The following WSB1 variants were observed in gnomAD, a reference collection of about 807,000 sequenced individuals.
WSB1 encodes WD repeat and SOCS box containing 1, also known as WD repeat and SOCS box-containing protein 1.
WSB1 carries 23 observed loss-of-function variants against 50.2 expected under a neutral mutation model. The ratio of observed to expected loss-of-function variants is 0.46; its 90% CI spans 0.33 to 0.65. The LOEUF (loss-of-function observed/expected upper bound fraction) is 0.65. Among genes scored for constraint, WSB1 ranks in the 30% least tolerant of loss-of-function variants. WSB1 has a pLI of 0.02. For missense variants in WSB1, 492 were observed against 522.3 expected, an observed-to-expected ratio of 0.94 and a Z score of 0.56; for synonymous variants, 179 against 172.0, an observed-to-expected ratio of 1.04 and a Z score of -0.32.
chr17:27,299,941 CAT>C (rs1364287831), intron 1 of WSB1, among the ~76,000 whole-genome samples: 3 of 148,922 alleles, frequency 2.0e-5, no homozygotes, highest in Non-Finnish European at 4.5e-5. Flanking sequence ...TTATGAATAT[CAT>C]AGAAAAGTAG....
intron 2 of WSB1, chr17:27,303,114 G>A: frequency 3.0e-6 from 1 of 329,720 alleles, no homozygotes. Context: ...AGGAAAATTT[G>A]GGAGGCAAAT....
intron 5 of WSB1, chr17:27,307,971 T>G: frequency 8.0e-7 from 1 of 1,249,172 alleles, no homozygotes; most frequent in Non-Finnish European, 1.0e-6. Flanking sequence ...TTTTCTTTTT[T>G]AAAGTAATTT....
chr17:27,303,425 A>T lies in WSB1; in HGVS notation c.268A>T (p.Asn90Tyr). ...NSSSLRLPRQ[N>Y]SDGGQKNKPR... ...AAGCAGTTTAAGATTGCCAAGACAA[A>T]ATAGTGATGGTGGTCAGAAAAATAA... Residue 90 changes from asparagine (N) to tyrosine (Y), a missense_variant, in exon 3 of 9, where the codon AAT becomes TAT. Asn to Tyr is a moderately radical substitution (Grantham distance 143). Transcript: ENST00000262394. 6.2e-7 allele frequency: 1 copy of T among 1,614,108 alleles called. No homozygotes were observed. The highest frequency in any genetic ancestry group is 8.5e-7 in the Non-Finnish European group (1 of 1,180,012).
chr17:27,309,842 A>G (rs1442236385), intron 6 of WSB1, among the ~76,000 whole-genome samples: 1 of 152,162 alleles, frequency 6.6e-6, no homozygotes, highest in Non-Finnish European at 1.5e-5. Flanking sequence ...TAACCTCCCA[A>G]AGTGCTGGGA....
intron 1 of WSB1, among the ~76,000 whole-genome samples, chr17:27,300,834 C>T (rs1344152979): frequency 6.6e-6 from 1 of 151,748 alleles, no homozygotes; most frequent in African/African-American, 2.4e-5. Flanking sequence ...GGATTACAGA[C>T]ACACTCCAGC....
At chr17:27,309,513 A>G (rs1466987062) in intron 6 of WSB1, among the ~76,000 whole-genome samples, 2 of 152,202 alleles carry the variant, frequency 1.3e-5, no homozygotes. Context: ...AGTACTAATT[A>G]TGTTTAGAGT....
chr17:27,310,278 C>A, intron 7 of WSB1, 104 bp downstream of exon 7: 1 of 974,682 alleles, frequency 1.0e-6, no homozygotes, highest in Non-Finnish European at 1.6e-6. Context: ...TTCCTCAACA[C>A]AAGCCCCTGG....
At chr17:27,299,996 G>T (rs2017160405) in intron 1 of WSB1, among the ~76,000 whole-genome samples, 1 of 152,130 alleles carries the variant, frequency 6.6e-6, no homozygotes, top group African/African-American at 2.4e-5. Flanking sequence ...ACACCTATTT[G>T]TTAAGGTGTC....
Position 27,312,835 on chromosome 17 carries a change from T to A in WSB1, c.*466T>A. 6.6e-6 allele frequency: 1 copy of A among 151,252 alleles called. No individual in the cohort carries two copies. The highest frequency in any genetic ancestry group is 1.5e-5 in the Non-Finnish European group (1 of 68,106). 9.4% of individuals were successfully genotyped at this position (151,252 alleles called of 1,614,324 possible). ...TCACCTGAGGTCAGCAGTTTGAGACTAGCCTGGCAAACATGATGAAACCCT... is the reference window on the plus strand; with the variant it reads ...TCACCTGAGGTCAGCAGTTTGAGACAAGCCTGGCAAACATGATGAAACCCT... On this transcript the variant is annotated 3_prime_UTR_variant, in exon 9 of 9. Coordinates refer to ENST00000262394, the MANE Select transcript of WSB1 (RefSeq NM_015626.10).
At position 27,303,441 on chromosome 17, in the gene WSB1, A is replaced by G. The variant is rs766183559; in HGVS notation, c.284A>G (p.Gln95Arg). The G allele has an allele frequency of 1.2e-5, 20 of 1,614,156 alleles. No homozygotes were observed. Among genetic ancestry groups the G allele is most frequent in the Non-Finnish European group, 1.6e-5 (19 of 1,180,028 alleles). The change falls in exon 3 of 9, where the codon CAG (glutamine) becomes CGG (arginine). Residue 95 changes from glutamine to arginine, a missense_variant. Gln to Arg is a conservative substitution (Grantham distance 43). Coordinates refer to ENST00000262394, the MANE Select transcript of WSB1 (RefSeq NM_015626.10). ...CCAAGACAAAATAGTGATGGTGGTC[A>G]GAAAAATAAGCCTCGTGAACATATT... is the stretch of plus-strand genomic sequence containing the variant. ...RLPRQNSDGG[Q>R]KNKPREHIID...
chr17:27,304,756 T>G, intron 3 of WSB1, 24 bp from the exon 4 acceptor site: 1 of 1,605,908 alleles, frequency 6.2e-7, no homozygotes. Context: ...ACTGTCTTTT[T>G]TTTCCCTTTT....
chr17:27,298,017 G>A (rs1194913700), intron 1 of WSB1, among the ~76,000 whole-genome samples: 3 of 151,472 alleles, frequency 2.0e-5, no homozygotes, highest in Non-Finnish European at 4.4e-5. Context: ...TAAGCTACTC[G>A]GGAGGCTGAG....
intron 1 of WSB1, among the ~76,000 whole-genome samples, chr17:27,295,396 A>G (rs2016913288): frequency 6.6e-6 from 1 of 152,324 alleles, no homozygotes; most frequent in Non-Finnish European, 1.5e-5. Flanking sequence ...GAAGAGGCTG[A>G]AGTAGCCAAA....
In WSB1 at chr17:27,312,781, C is replaced by A. The variant is rs114916240; in HGVS notation, c.*412C>A. The A allele has an allele frequency of 6.5e-6, 1 of 153,808 alleles. No individual in the cohort carries two copies. The highest frequency in any genetic ancestry group is 1.4e-5 in the Non-Finnish European group (1 of 69,674). 9.5% of individuals were successfully genotyped at this position (153,808 alleles called of 1,614,324 possible). A position where few individuals can be genotyped will look rare whatever the true frequency, so the allele number is the denominator to read the frequency against. ...GAGTTAGATGGTAAATACTGACTTA[C>A]GAAAGTTGAATTGGGTGAGGCGGGC... On this transcript the variant is annotated 3_prime_UTR_variant, in exon 9 of 9. Transcript: ENST00000262394.
Position 27,310,129 on chromosome 17 carries a change from C to T in WSB1, c.953C>T (p.Ser318Phe), listed in dbSNP as rs1449782807. ...GANDRWVRSV[S>F]FSHDGLHVAS... ...AATGACCGGTGGGTACGATCTGTAT[C>T]TTTTAGCCATGATGGACTGCATGTT... Residue 318 changes from serine (S) to phenylalanine (F), a missense_variant, in exon 7 of 9, where the codon TCT (serine) becomes TTT (phenylalanine). Physicochemically the swap from Ser to Phe is radical, Grantham distance 155. Transcript: ENST00000262394. The T allele has an allele frequency of 6.2e-6, 10 of 1,614,080 alleles. No homozygotes were observed. Among genetic ancestry groups the T allele is most frequent in the Non-Finnish European group, 8.5e-6 (10 of 1,179,968 alleles).
intron 3 of WSB1, among the ~76,000 whole-genome samples, 182 bp from the exon 4 acceptor site, chr17:27,304,598 A>G (rs192195933): frequency 1.0e-4 from 15 of 149,618 alleles, no homozygotes; most frequent in Non-Finnish European, 1.6e-4. Context: ...TGTAGTTCCA[A>G]CTATTTCGGA....
chr17:27,310,991 G>A lies in WSB1; in HGVS notation c.999-518G>A, dbSNP rs144414128. On this transcript the variant is annotated intron_variant, in intron 7 of 8. Coordinates refer to ENST00000262394, the MANE Select transcript of WSB1 (RefSeq NM_015626.10). ...CTTCCGAGTATCTCACACCACAGGG[G>A]TATACCACCACACCTGGCTAGTTTT... is the stretch of plus-strand genomic sequence containing the variant. Among the ~76,000 whole-genome samples the A allele has an allele frequency of 4.7e-3, 711 of 152,130 alleles. 10 individuals carry two copies. Among genetic ancestry groups the A allele is most frequent in the Middle Eastern group, 0.034 (10 of 294 alleles).
intron 3 of WSB1, 96 bp from the exon 4 acceptor site, chr17:27,304,684 C>A: frequency 7.7e-7 from 1 of 1,294,822 alleles, no homozygotes; most frequent in Non-Finnish European, 1.1e-6. Context: ...TGCACTCCAG[C>A]CTGAGTGACA....
In WSB1 at chr17:27,311,623, A is replaced by C; in HGVS notation, c.1106+7A>C. 9.8e-7 allele frequency: 1 copy of C among 1,019,524 alleles called. No individual in the cohort carries two copies. The highest frequency in any genetic ancestry group is 1.9e-5 in the African/African-American group (1 of 51,636). The allele number at this position is 1,019,524 out of a possible 1,614,324, so 63.2% of individuals were successfully genotyped here. On this transcript the variant is annotated splice_region_variant and intron_variant, in intron 8 of 8. Transcript: ENST00000262394. ...GCAGTGTTTTAGCTGCTGGGTAAAT[A>C]TATTTTTCTCTTTTTTTTTTTTTTT...
Sources: allele counts gnomAD v4.1 joint callset (sites outside exome capture counted in the v4.1 genomes callset), GRCh38; gene constraint gnomAD v4.1.1; transcripts MANE v1.5; gene names NCBI Gene and HGNC (gene_info 2026-07-23, HGNC 2026-07-21).